Variants in EPHA5 observed in about 807,000 individuals in gnomAD.
EPHA5 encodes the protein EPH receptor A5, also known as ephrin type-A receptor 5.
Under a neutral mutation model 105.0 loss-of-function variants are expected in EPHA5, and 60 were observed. That is an observed-to-expected ratio of 0.57 (90% CI 0.46 to 0.71). The LOEUF (loss-of-function observed/expected upper bound fraction) is 0.71. Among genes scored for constraint, EPHA5 ranks in the 30% least tolerant of loss-of-function variants. The pLI, the probability that EPHA5 is intolerant of heterozygous loss-of-function variation, is 0.00. For synonymous variants in EPHA5, 513 were observed against 449.1 expected (o/e 1.14, Z -1.80); for missense variants, 1,218 against 1,274.7 (o/e 0.96, Z 0.68).
In EPHA5 at chr4:65,488,932, C is replaced by T. The variant is rs1272207884; in HGVS notation, c.1402+1445G>A. Among the ~76,000 whole-genome samples the T allele has an allele frequency of 8.9e-5, 13 of 145,812 alleles. No individual in the cohort carries two copies. The East Asian group carries it at 2.6e-3, about 29-fold the overall frequency. The stretch of plus-strand genomic sequence containing the variant: ...ACGGAGTCTCGCTCTGTTGCCCAGG[C>T]TGGAGCTCAGTGGCGCGATCTCGGC... On this transcript the variant is annotated intron_variant, in intron 5 of 16. Coordinates refer to ENST00000613740, the MANE Select transcript of EPHA5 (RefSeq NM_001281766.3).
intron 5 of EPHA5, among the ~76,000 whole-genome samples, chr4:65,479,698 G>A (rs536772697): frequency 1.3e-5 from 2 of 152,120 alleles, no homozygotes; most frequent in African/African-American, 4.8e-5. Flanking sequence ...TGGGTGAGTT[G>A]ATATGAAAAG....
chr4:65,370,247 T>C lies in EPHA5; in HGVS notation c.1794-2823A>G, dbSNP rs553413885. On this transcript the variant is annotated intron_variant, in intron 8 of 16. Coordinates refer to ENST00000613740, the MANE Select transcript of EPHA5 (RefSeq NM_001281766.3). ...CAAATACATTAAACCATACTGAAAT[T>C]GTATTTTGTCTTTCAAGCTAAGTTT... Among the ~76,000 whole-genome samples, 38 of 152,248 alleles carry C rather than the reference T, an allele frequency of 2.5e-4. No individual in the cohort carries two copies. In the East Asian group the frequency reaches 6.8e-3, roughly 27 times the overall value.
chr4:65,484,203 T>C (rs1331636790), intron 5 of EPHA5, among the ~76,000 whole-genome samples: 1 of 152,172 alleles, frequency 6.6e-6, no homozygotes. Context: ...TGCCGCTTTT[T>C]GGCAGAAGCA....
At chr4:65,412,048 G>A (rs1218062197) in intron 7 of EPHA5, among the ~76,000 whole-genome samples, 1 of 152,122 alleles carries the variant, frequency 6.6e-6, no homozygotes, top group Non-Finnish European at 1.5e-5. Flanking sequence ...GACCAACATG[G>A]AGAAACCTCA....
intron 3 of EPHA5, among the ~76,000 whole-genome samples, chr4:65,500,647 T>C (rs1161837526): frequency 6.6e-6 from 1 of 151,156 alleles, no homozygotes; most frequent in East Asian, 1.9e-4. Context: ...AAAGAGCTAT[T>C]AACCTTGGGA....
At chr4:65,647,745 T>C (rs1748250254) in intron 1 of EPHA5, among the ~76,000 whole-genome samples, 1 of 152,152 alleles carries the variant, frequency 6.6e-6, no homozygotes, top group African/African-American at 2.4e-5. Flanking sequence ...AGGTGACTTT[T>C]CCCTGAGCCA....
chr4:65,628,053 G>T (rs1359283272), intron 2 of EPHA5, among the ~76,000 whole-genome samples: 5 of 152,078 alleles, frequency 3.3e-5, no homozygotes, highest in African/African-American at 1.2e-4. Context: ...TACTGTTGCT[G>T]TTTTTATGAT....
intron 3 of EPHA5, among the ~76,000 whole-genome samples, chr4:65,520,778 T>C (rs914199412): frequency 6.6e-6 from 1 of 152,118 alleles, no homozygotes; most frequent in Non-Finnish European, 1.5e-5. Flanking sequence ...GAAAAAATGC[T>C]CATCATCACT....
chr4:65,523,457 A>T (rs73223875), intron 3 of EPHA5, among the ~76,000 whole-genome samples: 25,277 of 151,988 alleles, frequency 0.17, 2,204 homozygotes, highest in East Asian at 0.2. Flanking sequence ...GCTATCAGCC[A>T]TCGTAAACTC....
intron 14 of EPHA5, among the ~76,000 whole-genome samples, chr4:65,341,915 G>A (rs967095150): frequency 2.6e-5 from 4 of 152,042 alleles, no homozygotes; most frequent in Non-Finnish European, 2.9e-5. Context: ...AAACCCAGAT[G>A]ACATAGAAAT....
At chr4:65,448,141 G>A (rs1237112194) in intron 5 of EPHA5, among the ~76,000 whole-genome samples, 1 of 151,328 alleles carries the variant, frequency 6.6e-6, no homozygotes, top group Non-Finnish European at 1.5e-5. Flanking sequence ...AAAGTAAGAT[G>A]ATGTATAAAC....
At chr4:65,583,761 T>A (rs1384260273) in intron 3 of EPHA5, among the ~76,000 whole-genome samples, 1 of 151,698 alleles carries the variant, frequency 6.6e-6, no homozygotes, top group South Asian at 2.1e-4. Context: ...AAGAAACATA[T>A]CTTTGTTATT....
intron 3 of EPHA5, among the ~76,000 whole-genome samples, chr4:65,529,465 CA>C (rs1457220880): frequency 1.3e-5 from 2 of 151,514 alleles, no homozygotes; most frequent in East Asian, 3.9e-4. Context: ...TGCACACACA[CA>C]AATACAACAT....
chr4:65,409,501 A>G (rs1722717365), intron 7 of EPHA5, among the ~76,000 whole-genome samples: 1 of 152,114 alleles, frequency 6.6e-6, no homozygotes, highest in Non-Finnish European at 1.5e-5. Flanking sequence ...TCACATTTTT[A>G]ACTTCACTTT....
intron 5 of EPHA5, among the ~76,000 whole-genome samples, chr4:65,473,629 C>T (rs1729504789): frequency 6.6e-6 from 1 of 152,152 alleles, no homozygotes; most frequent in Admixed American, 6.5e-5. Context: ...CCCCATGATA[C>T]AATCACCTCC....
chr4:65,550,280 G>T (rs1238379633), intron 3 of EPHA5, among the ~76,000 whole-genome samples: 1 of 151,968 alleles, frequency 6.6e-6, no homozygotes, highest in Non-Finnish European at 1.5e-5. Context: ...GTGGAGGGGT[G>T]CCCATATTTC....
intron 2 of EPHA5, among the ~76,000 whole-genome samples, chr4:65,617,535 A>G (rs189637190): frequency 1.3e-5 from 2 of 152,280 alleles, no homozygotes; most frequent in Admixed American, 1.3e-4. Flanking sequence ...GGAAACAGAA[A>G]GACCTTTTGA....
intron 7 of EPHA5, among the ~76,000 whole-genome samples, chr4:65,405,576 C>G (rs1449219570): frequency 6.6e-6 from 1 of 152,080 alleles, no homozygotes; most frequent in Admixed American, 6.6e-5. Context: ...TGCTGAGGAC[C>G]CTCTTGCACT....
chr4:65,551,660 G>A (rs1191482022), intron 3 of EPHA5, among the ~76,000 whole-genome samples: 1 of 151,958 alleles, frequency 6.6e-6, no homozygotes, highest in Non-Finnish European at 1.5e-5. Context: ...ACCTTAATAT[G>A]CTTGAAAATT....
Sources: gnomAD v4.1 joint callset for allele counts (sites outside exome capture counted in the v4.1 genomes callset) on GRCh38, gnomAD v4.1.1 for gene constraint, MANE v1.5 for transcripts, NCBI Gene and HGNC (gene_info 2026-07-23, HGNC 2026-07-21) for gene names.